Variants in WDPCP observed in about 807,000 individuals in gnomAD.
WDPCP encodes WD repeat-containing and planar cell polarity effector protein fritz homolog.
A neutral mutation model predicts 93.1 loss-of-function variants in WDPCP; 71 were observed. The observed-to-expected ratio is 0.76, with a 90% CI of 0.63 to 0.93. WDPCP has a LOEUF of 0.93. Among genes scored for constraint, WDPCP ranks in the 40% least tolerant of loss-of-function variants. WDPCP has a pLI of 0.00. For missense variants in WDPCP, 844 were observed against 887.4 expected (o/e 0.95, Z 0.62); for synonymous variants, 315 against 315.0 (o/e 1.00, Z 0.00).
chr2:63,769,478 G>A (rs1670194812), intron 2 of WDPCP, among the ~76,000 whole-genome samples: 1 of 151,908 alleles, frequency 6.6e-6, no homozygotes, highest in Non-Finnish European at 1.5e-5. Context: ...TTTTTCAAGG[G>A]CATATGGAAC....
At chr2:63,790,387 G>A (rs1471685201) in intron 2 of WDPCP, among the ~76,000 whole-genome samples, 1 of 152,214 alleles carries the variant, frequency 6.6e-6, no homozygotes, top group Non-Finnish European at 1.5e-5. Flanking sequence ...AACAGAGTCA[G>A]TACCAGCCAC....
At position 63,575,427 on chromosome 2, in the gene WDPCP, A is replaced by ACT. The variant is rs1231795951; in HGVS notation, c.75+12769_75+12770insAG. Among the ~76,000 whole-genome samples the ACT allele has an allele frequency of 1.3e-3, 110 of 83,904 alleles. 13 individuals are homozygous for ACT. Among genetic ancestry groups the ACT allele is most frequent in the East Asian group, 4.6e-3 (13 of 2,854 alleles). The allele number at this position is 83,904 out of a possible 152,430, so 55.0% of individuals were successfully genotyped here. A position where few individuals can be genotyped will look rare whatever the true frequency, so the allele number is the denominator to read the frequency against. On this transcript the variant is annotated intron_variant, in intron 1 of 17. Coordinates refer to ENST00000272321, the MANE Select transcript of WDPCP (RefSeq NM_015910.7). ...TATATACAGTATATACACTGTATAC[A>ACT]GTGTATATACAGTGTATACACTGTA...
intron 12 of WDPCP, among the ~76,000 whole-genome samples, chr2:63,321,091 TC>T (rs1436646331): frequency 6.6e-6 from 1 of 151,824 alleles, no homozygotes; most frequent in Non-Finnish European, 1.5e-5. Flanking sequence ...CACCAATTCA[TC>T]AGGAAGACCC....
chr2:63,801,318 C>T (rs529045398), intron 2 of WDPCP, among the ~76,000 whole-genome samples: 1 of 152,268 alleles, frequency 6.6e-6, no homozygotes, highest in East Asian at 1.9e-4. Flanking sequence ...CATGATGTGT[C>T]TGGAGTGGGT....
chr2:63,406,188 T>G (rs894409359), intron 9 of WDPCP, among the ~76,000 whole-genome samples: 4 of 152,138 alleles, frequency 2.6e-5, no homozygotes, highest in African/African-American at 9.7e-5. Context: ...TCCTACACCT[T>G]ATCACCAAAT....
intron 3 of WDPCP, among the ~76,000 whole-genome samples, chr2:63,602,967 T>TTTTTTTTTTTTTTTTTTTTTTTTTA (rs1709456314): frequency 2.8e-5 from 1 of 36,272 alleles, no homozygotes; most frequent in Non-Finnish European, 5.0e-5. Context: ...TTTTTTTTTT[T>TTTTTTTTTTTTTTTTTTTTTTTTTA]TTTTTTTTTT....
intron 1 of WDPCP, among the ~76,000 whole-genome samples, chr2:63,586,780 A>G (rs1708872173): frequency 6.6e-6 from 1 of 152,198 alleles, no homozygotes; most frequent in African/African-American, 2.4e-5. Flanking sequence ...TTCTTGGAGT[A>G]TGGGAATGTC....
intron 14 of WDPCP, among the ~76,000 whole-genome samples, chr2:63,215,338 A>G (rs1008427575): frequency 1.3e-5 from 2 of 152,218 alleles, no homozygotes; most frequent in Non-Finnish European, 2.9e-5. Context: ...CCAAAATAGC[A>G]TGGTGCTGGT....
intron 14 of WDPCP, among the ~76,000 whole-genome samples, chr2:63,255,722 C>T (rs1681077201): frequency 2.0e-5 from 3 of 152,136 alleles, no homozygotes; most frequent in Admixed American, 2.0e-4. Context: ...ATAAATTACT[C>T]AGTCTCAGGT....
chr2:63,122,214 C>T (rs1357620142), intron 17 of WDPCP, among the ~76,000 whole-genome samples, 158 bp from the exon 18 acceptor site: 1 of 152,048 alleles, frequency 6.6e-6, no homozygotes, highest in Non-Finnish European at 1.5e-5. Context: ...TGTATACTTA[C>T]CTGACTTGGT....
intron 2 of WDPCP, among the ~76,000 whole-genome samples, chr2:63,763,336 T>A (rs1482094953): frequency 6.6e-6 from 1 of 152,018 alleles, no homozygotes; most frequent in East Asian, 1.9e-4. Flanking sequence ...AAACCCCATC[T>A]CTACTAAAAA....
chr2:63,734,985 G>A (rs1309010511), intron 2 of WDPCP, among the ~76,000 whole-genome samples: 2 of 152,110 alleles, frequency 1.3e-5, no homozygotes, highest in African/African-American at 2.4e-5. Context: ...TTTAGTTGAA[G>A]GAGTTTGGGT....
At chr2:63,438,473 T>C (rs149702451) in intron 7 of WDPCP, among the ~76,000 whole-genome samples, 39 of 152,218 alleles carry the variant, frequency 2.6e-4, no homozygotes, top group African/African-American at 8.9e-4. Context: ...CGAATTGTGC[T>C]GAAAGTTTCC....
intron 3 of WDPCP, chr2:63,622,341 T>C (rs1709751139): frequency 1.3e-6 from 2 of 1,598,416 alleles, no homozygotes; most frequent in African/African-American, 2.7e-5. Context: ...AGTCAAGATA[T>C]ATTCAAAACC....
At chr2:63,261,214 C>T (rs1319109268) in intron 13 of WDPCP, among the ~76,000 whole-genome samples, 1 of 146,126 alleles carries the variant, frequency 6.8e-6, no homozygotes, top group African/African-American at 2.6e-5. Context: ...ATCTCCATTC[C>T]TACACAAATT....
intron 13 of WDPCP, among the ~76,000 whole-genome samples, chr2:63,279,818 A>T (rs1263521397): frequency 6.6e-6 from 1 of 152,202 alleles, no homozygotes; most frequent in Non-Finnish European, 1.5e-5. Context: ...ACTAACAGTG[A>T]CCAAGCTGAG....
chr2:63,555,660 G>GT (rs1706057004), intron 1 of WDPCP, among the ~76,000 whole-genome samples: 1 of 152,212 alleles, frequency 6.6e-6, no homozygotes, highest in Non-Finnish European at 1.5e-5. Flanking sequence ...CATCTTTGTT[G>GT]TTCTGCAGCC....
At chr2:63,717,761 G>A in intron 2 of WDPCP, 3 of 375,014 alleles carry the variant, frequency 8.0e-6, no homozygotes, top group East Asian at 1.4e-4. Context: ...TGATGGAGAC[G>A]AATTACTACA....
intron 17 of WDPCP, among the ~76,000 whole-genome samples, chr2:63,147,725 T>C (rs185552107): frequency 1.1e-4 from 16 of 152,270 alleles, no homozygotes; most frequent in Middle Eastern, 3.4e-3. Flanking sequence ...TCCCAGCACT[T>C]TGGGGGGCCA....
Sources: allele counts gnomAD v4.1 joint callset (sites outside exome capture counted in the v4.1 genomes callset), GRCh38; gene constraint gnomAD v4.1.1; transcripts MANE v1.5; gene names NCBI Gene and HGNC (gene_info 2026-07-23, HGNC 2026-07-21).